DENND5A: variants seen among roughly 807,000 people sequenced by gnomAD.
DENND5A encodes DENN domain-containing protein 5A.
In DENND5A, 64 loss-of-function variants were observed where a neutral mutation model predicts 140.3. That is an observed-to-expected ratio of 0.46 (90% confidence interval 0.37 to 0.56). The LOEUF is 0.56. Ranked by LOEUF, DENND5A falls within the 20% of genes least tolerant of loss-of-function variation. The pLI is 0.00. For missense variants in DENND5A, 1,292 were observed against 1,593.8 expected (o/e 0.81, Z 3.22); for synonymous variants, 605 against 607.7 (o/e 1.00, Z 0.07).
intron 5 of DENND5A, 62 bp downstream of exon 5, chr11:9,193,432 C>CTTTGA (rs1027447765): frequency 3.9e-5 from 53 of 1,371,392 alleles, no homozygotes; most frequent in Admixed American, 1.8e-4. Context: ...TGGGTTCATC[C>CTTTGA]CAAAGCCCTT....
rs1239523198 is a variant in DENND5A, at chr11:9,145,051, G to C, written c.3066C>G (p.Ala1022=). 7.4e-6 allele frequency: 12 copies of C among 1,614,024 alleles called. No individual in the cohort carries two copies. Among genetic ancestry groups the C allele is most frequent in the Non-Finnish European group, 1.0e-5 (12 of 1,180,022 alleles). Residue 1022 remains alanine, a synonymous_variant, in exon 18 of 23, where the codon GCC becomes GCG. Transcript: ENST00000328194. ...QIGHDNSGLY[A]KWLVEYVMVR... The stretch of plus-strand genomic sequence containing the variant: ...CCATCACATACTCCACCAGCCATTT[G>C]GCATACAGCCCAGAGTTATCATGGC...
At chr11:9,191,299 C>T (rs1435706665) in intron 5 of DENND5A, among the ~76,000 whole-genome samples, 1 of 151,892 alleles carries the variant, frequency 6.6e-6, no homozygotes, top group Non-Finnish European at 1.5e-5. Flanking sequence ...AGTGCAGTGG[C>T]GTGATCTCGG....
intron 1 of DENND5A, among the ~76,000 whole-genome samples, chr11:9,237,089 G>C (rs927934676): frequency 6.6e-6 from 1 of 152,164 alleles, no homozygotes; most frequent in African/African-American, 2.4e-5. Context: ...TATATGAAAA[G>C]ATGTTCAGCC....
At chr11:9,141,024 G>A (rs139821703) in intron 22 of DENND5A, among the ~76,000 whole-genome samples, 3,490 of 152,210 alleles carry the variant, frequency 0.023, 151 homozygotes, top group African/African-American at 0.08. Flanking sequence ...TACTCGGGAG[G>A]CTGAGGCAGG....
At chr11:9,221,959 G>A (rs1432573912) in intron 1 of DENND5A, among the ~76,000 whole-genome samples, 4 of 151,610 alleles carry the variant, frequency 2.6e-5, no homozygotes, top group Admixed American at 6.6e-5. Flanking sequence ...AGGTTTCACA[G>A]TGTTGGCCAG....
At chr11:9,183,420 A>C (rs969323799) in intron 5 of DENND5A, among the ~76,000 whole-genome samples, 4 of 151,670 alleles carry the variant, frequency 2.6e-5, no homozygotes. Flanking sequence ...ATATTTTTAA[A>C]TTTCATACAG....
At chr11:9,157,540 G>C (rs565879419) in intron 12 of DENND5A, among the ~76,000 whole-genome samples, 2 of 152,052 alleles carry the variant, frequency 1.3e-5, no homozygotes, top group African/African-American at 4.8e-5. Flanking sequence ...GTGTCCATGG[G>C]TATTCAATGT....
intron 4 of DENND5A, among the ~76,000 whole-genome samples, chr11:9,200,628 C>T (rs1407666884): frequency 6.6e-6 from 1 of 152,220 alleles, no homozygotes; most frequent in Non-Finnish European, 1.5e-5. Flanking sequence ...CGGCTATCCA[C>T]TTTATATGAG....
At chr11:9,189,114 G>C (rs985071836) in intron 5 of DENND5A, among the ~76,000 whole-genome samples, 1 of 152,208 alleles carries the variant, frequency 6.6e-6, no homozygotes, top group Admixed American at 6.5e-5. Flanking sequence ...CTGCATCCCA[G>C]CTGCTCCAGC....
chr11:9,175,357 T>G (rs1323049325), intron 8 of DENND5A: 3 of 152,142 alleles, frequency 2.0e-5, no homozygotes, highest in African/African-American at 7.2e-5. Flanking sequence ...AAAGATGACC[T>G]AAATAAATGG....
intron 2 of DENND5A, 88 bp from the exon 3 acceptor site, chr11:9,206,870 G>A (rs1353428696): frequency 2.1e-6 from 2 of 966,238 alleles, no homozygotes; most frequent in African/African-American, 1.6e-5. Context: ...AGTCCAGCAA[G>A]GTACAGAAAT....
intron 22 of DENND5A, 74 bp downstream of exon 22, chr11:9,141,866 C>T (rs1435048073): frequency 1.4e-6 from 2 of 1,425,212 alleles, no homozygotes; most frequent in Non-Finnish European, 1.9e-6. Flanking sequence ...TTCCTCACCC[C>T]TGCACTGCAC....
intron 4 of DENND5A, among the ~76,000 whole-genome samples, chr11:9,199,801 T>C (rs749320659): frequency 4.6e-5 from 7 of 152,192 alleles, no homozygotes; most frequent in South Asian, 2.1e-4. Flanking sequence ...GTGATTTTTA[T>C]CCATACAAGG....
intron 1 of DENND5A, among the ~76,000 whole-genome samples, chr11:9,226,700 C>A (rs1417603699): frequency 6.6e-6 from 1 of 152,064 alleles, no homozygotes; most frequent in Non-Finnish European, 1.5e-5. Context: ...ACCAAACTGA[C>A]CGATCTAAAG....
chr11:9,146,255 G>A (rs1365668831), intron 16 of DENND5A, among the ~76,000 whole-genome samples: 2 of 152,256 alleles, frequency 1.3e-5, no homozygotes, highest in Non-Finnish European at 2.9e-5. Context: ...TTTGCCTCGG[G>A]TCTTCTAAAT....
intron 2 of DENND5A, 62 bp downstream of exon 2, chr11:9,207,499 G>C (rs1445474761): frequency 7.9e-7 from 1 of 1,260,614 alleles, no homozygotes; most frequent in Non-Finnish European, 1.2e-6. Flanking sequence ...AATGCCACTG[G>C]AGAGATATAT....
intron 22 of DENND5A, among the ~76,000 whole-genome samples, chr11:9,140,691 G>A (rs1847208574): frequency 6.6e-6 from 1 of 152,112 alleles, no homozygotes; most frequent in Non-Finnish European, 1.5e-5. Context: ...TTCCATTAAA[G>A]GCTCACTTAA....
chr11:9,140,115 C>A, intron 22 of DENND5A: 1 of 1,415,994 alleles, frequency 7.1e-7, no homozygotes, highest in Non-Finnish European at 9.4e-7. Flanking sequence ...GCCTAGTCAG[C>A]CCCACCACTG....
chr11:9,141,770 G>A (rs1847249136), intron 22 of DENND5A, among the ~76,000 whole-genome samples, 170 bp downstream of exon 22: 1 of 152,204 alleles, frequency 6.6e-6, no homozygotes, highest in South Asian at 2.1e-4. Flanking sequence ...TATGCAGTGT[G>A]TGACCATACA....
Sources: allele counts gnomAD v4.1 joint callset (sites outside exome capture counted in the v4.1 genomes callset), GRCh38; gene constraint gnomAD v4.1.1; transcripts MANE v1.5; gene names NCBI Gene and HGNC (gene_info 2026-07-23, HGNC 2026-07-21).